The following MRPL48 variants were observed in gnomAD, a reference collection of about 807,000 sequenced individuals.
MRPL48 encodes the protein large ribosomal subunit protein mL48.
A neutral mutation model predicts 32.9 loss-of-function variants in MRPL48; 16 were observed. That is an observed-to-expected ratio of 0.49 (90% confidence interval 0.33 to 0.74). MRPL48 has a LOEUF of 0.74. MRPL48 is among the 30% of genes least tolerant of loss of function. The pLI is 0.02. For missense variants in MRPL48, 206 were observed against 245.3 expected, an observed-to-expected ratio of 0.84 and a Z score of 1.07; for synonymous variants, 94 against 89.2, an observed-to-expected ratio of 1.05 and a Z score of -0.31.
At chr11:73,805,114 A>G (rs553471363) in intron 2 of MRPL48, 35 bp downstream of exon 2, 5 of 1,520,028 alleles carry the variant, frequency 3.3e-6, no homozygotes, top group Non-Finnish European at 4.5e-6. Context: ...AAATATAGGT[A>G]ACATTTGCCT....
At chr11:73,833,701 G>T (rs1018395909) in intron 4 of MRPL48, among the ~76,000 whole-genome samples, 1 of 151,926 alleles carries the variant, frequency 6.6e-6, no homozygotes, top group Non-Finnish European at 1.5e-5. Context: ...CAGAGACAGG[G>T]TCTTGCTCTG....
Position 73,864,440 on chromosome 11 carries a change from AGAGTTC to A in MRPL48, c.*71_*76del. On this transcript the variant is annotated 3_prime_UTR_variant, in exon 8 of 8. Transcript: ENST00000310614. ...AAAGAGAAGAGCTTACTGGGTAGTTAGAGTTCATCAGGAGACCCAACCCTTAGATTT... is the reference window on the plus strand; with the variant it reads ...AAAGAGAAGAGCTTACTGGGTAGTTAATCAGGAGACCCAACCCTTAGATTT... 6.8e-7 allele frequency: 1 copy of A among 1,480,252 alleles called. No individual in the cohort carries two copies. The highest frequency in any genetic ancestry group is 9.4e-7 in the Non-Finnish European group (1 of 1,069,334). The allele number at this position is 1,480,252 out of a possible 1,614,324, so 91.7% of individuals were successfully genotyped here.
rs535815279 is a variant in MRPL48 at position 73,820,655 on chromosome 11, A to G, written c.113-5053A>G. Among the ~76,000 whole-genome samples, 22 of 152,102 alleles carry G rather than the reference A, an allele frequency of 1.4e-4. No homozygotes were observed. The South Asian group carries it at 3.9e-3, about 27-fold the overall frequency. The stretch of plus-strand genomic sequence containing the variant: ...ACACATGCTGTTTCCTCTACCTGGA[A>G]CACCCATCCTCCATTTTTTTCATCC... On this transcript the variant is annotated intron_variant, in intron 3 of 7. Coordinates refer to ENST00000310614, the MANE Select transcript of MRPL48 (RefSeq NM_016055.6).
At chr11:73,856,474 G>T (rs1448947782) in intron 5 of MRPL48, among the ~76,000 whole-genome samples, 1 of 152,122 alleles carries the variant, frequency 6.6e-6, no homozygotes, top group Non-Finnish European at 1.5e-5. Context: ...CAAAGAAGAG[G>T]CCTCTCATGT....
chr11:73,857,306 A>G (rs1948499214), intron 5 of MRPL48, among the ~76,000 whole-genome samples: 1 of 151,434 alleles, frequency 6.6e-6, no homozygotes, highest in African/African-American at 2.4e-5. Flanking sequence ...AATTTTTTGT[A>G]TTTTTAGTAG....
intron 3 of MRPL48, among the ~76,000 whole-genome samples, chr11:73,809,882 TA>T (rs1455744286): frequency 6.6e-6 from 1 of 152,250 alleles, no homozygotes; most frequent in Admixed American, 6.5e-5. Flanking sequence ...TTACATATGT[TA>T]ATTATTTTAG....
chr11:73,851,448 T>C (rs1189853345), intron 5 of MRPL48, among the ~76,000 whole-genome samples: 2 of 152,208 alleles, frequency 1.3e-5, no homozygotes, highest in East Asian at 3.8e-4. Flanking sequence ...AAAGATGTTC[T>C]TTAGGAGATT....
chr11:73,852,072 A>T (rs2135070790), intron 5 of MRPL48, among the ~76,000 whole-genome samples: 1 of 152,334 alleles, frequency 6.6e-6, no homozygotes. Flanking sequence ...TGCTTCTCAA[A>T]GTACCATTCC....
At chr11:73,837,945 G>A (rs1284916574) in intron 4 of MRPL48, among the ~76,000 whole-genome samples, 2 of 152,112 alleles carry the variant, frequency 1.3e-5, no homozygotes, top group Admixed American at 6.6e-5. Flanking sequence ...TCTGCTTCAC[G>A]GGTTCAAGCG....
intron 3 of MRPL48, among the ~76,000 whole-genome samples, chr11:73,823,662 T>G (rs1325300787): frequency 2.0e-5 from 3 of 149,584 alleles, no homozygotes; most frequent in South Asian, 2.1e-4. Context: ...CTGTTTTTTT[T>G]TTTTTTTTTT....
intron 4 of MRPL48, among the ~76,000 whole-genome samples, chr11:73,835,194 T>G (rs1948076242): frequency 7.5e-6 from 1 of 132,536 alleles, no homozygotes; most frequent in South Asian, 2.5e-4. Flanking sequence ...CAGGCTGGAG[T>G]GCTGTGGTGT....
intron 5 of MRPL48, among the ~76,000 whole-genome samples, chr11:73,857,416 GC>G (rs1948501570): frequency 6.6e-6 from 1 of 151,572 alleles, no homozygotes; most frequent in Non-Finnish European, 1.5e-5. Context: ...ACAGGCGTGA[GC>G]CACTGCGCCC....
intron 1 of MRPL48, among the ~76,000 whole-genome samples, chr11:73,788,395 G>C (rs1947084055): frequency 6.6e-6 from 1 of 151,422 alleles, no homozygotes; most frequent in African/African-American, 2.4e-5. Context: ...GTTTTGACTT[G>C]CTGAACTGAT....
intron 3 of MRPL48, chr11:73,823,188 T>C (rs1947813617): frequency 4.2e-6 from 1 of 236,274 alleles, no homozygotes; most frequent in African/African-American, 2.3e-5. Context: ...CTCACATCTG[T>C]GGAAAAATTG....
intron 4 of MRPL48, among the ~76,000 whole-genome samples, chr11:73,834,557 G>A (rs1220764793): frequency 6.2e-5 from 9 of 144,300 alleles, no homozygotes; most frequent in South Asian, 4.4e-4. Flanking sequence ...TTTTTGAGAC[G>A]GAGTCTCGCT....
At chr11:73,816,827 A>AT (rs1235227332) in intron 3 of MRPL48, among the ~76,000 whole-genome samples, 4 of 146,838 alleles carry the variant, frequency 2.7e-5, no homozygotes, top group African/African-American at 1.0e-4. Flanking sequence ...TATTTTGTTT[A>AT]TTATTTTTTT....
Position 73,860,008 on chromosome 11 carries a change from A to G in MRPL48, c.473A>G (p.Gln158Arg). 2 of 1,612,678 alleles carry G rather than the reference A, an allele frequency of 1.2e-6. No individual in the cohort carries two copies. The highest frequency in any genetic ancestry group is 1.7e-6 in the Non-Finnish European group (2 of 1,179,176). ...CTTACCACCCATGAGCGAGTGGTTCAGGTAGGCACTCCAGGAGAATAAAAA... is the reference window on the plus strand; with the variant it reads ...CTTACCACCCATGAGCGAGTGGTTCGGGTAGGCACTCCAGGAGAATAAAAA... ...SVLTTHERVVQISGLSATFAE... is the reference protein window; with the variant it reads ...SVLTTHERVVRISGLSATFAE... The change falls in exon 6 of 8, where the codon CAG becomes CGG. Residue 158 changes from glutamine to arginine, a missense_variant and splice_region_variant. By Grantham distance (43) the Gln-to-Arg change is conservative. Coordinates refer to ENST00000310614, the MANE Select transcript of MRPL48 (RefSeq NM_016055.6).
intron 6 of MRPL48, among the ~76,000 whole-genome samples, chr11:73,861,526 T>C (rs1948584048): frequency 6.6e-6 from 1 of 152,118 alleles, no homozygotes; most frequent in South Asian, 2.1e-4. Context: ...TGCGCCACCA[T>C]GCCCAGCTAA....
intron 4 of MRPL48, among the ~76,000 whole-genome samples, chr11:73,829,718 G>A (rs1947958937): frequency 6.6e-6 from 1 of 152,072 alleles, no homozygotes; most frequent in South Asian, 2.1e-4. Flanking sequence ...TGCTTCCTCT[G>A]TCCTAGGAAA....
Sources: gnomAD v4.1 joint callset for allele counts (sites outside exome capture counted in the v4.1 genomes callset) on GRCh38, gnomAD v4.1.1 for gene constraint, MANE v1.5 for transcripts, NCBI Gene and HGNC (gene_info 2026-07-23, HGNC 2026-07-21) for gene names.